DHX35: variants seen among roughly 807,000 people sequenced by gnomAD.
DHX35 encodes the protein probable ATP-dependent RNA helicase DHX35.
Under a neutral mutation model 99.6 loss-of-function variants are expected in DHX35, and 84 were observed. That is an observed-to-expected ratio of 0.84 (90% CI 0.71 to 1.01). The LOEUF (loss-of-function observed/expected upper bound fraction) is 1.01. Among genes scored for constraint, DHX35 ranks in the 50% least tolerant of loss-of-function variants. DHX35 has a pLI of 0.00. For synonymous variants in DHX35, 331 were observed against 316.2 expected (o/e 1.05, Z -0.50); for missense variants, 852 against 888.5 (o/e 0.96, Z 0.52).
chr20:38,980,397 C>T (rs2086153000), intron 3 of DHX35, among the ~76,000 whole-genome samples: 3 of 151,994 alleles, frequency 2.0e-5, no homozygotes, highest in Admixed American at 6.6e-5. Flanking sequence ...ATGTTACCTT[C>T]CTTATAGAAT....
Position 39,006,224 on chromosome 20 carries a change from A to G in DHX35, c.1090A>G (p.Lys364Glu), listed in dbSNP as rs2086614292. 6.2e-7 allele frequency: 1 copy of G among 1,614,060 alleles called. No individual in the cohort carries two copies. The highest frequency in any genetic ancestry group is 1.3e-5 in the African/African-American group (1 of 74,922). Residue 364 changes from lysine (K) to glutamate (E), a missense_variant, in exon 12 of 22, where the codon AAA (lysine) becomes GAA (glutamate). Coordinates refer to ENST00000252011, the MANE Select transcript of DHX35 (RefSeq NM_021931.4). ...GTATGTGATCGACTGTGGCTTTGTGAAACTCCGAGCCTACAATCCCAGGAC... is the reference window on the plus strand; with the variant it reads ...GTATGTGATCGACTGTGGCTTTGTGGAACTCCGAGCCTACAATCCCAGGAC... ...IVYVIDCGFV[K>E]LRAYNPRTAI...
chr20:38,981,943 C>CAAAAAAAAAAAAAAAAAAAAAAAAAA (rs1161300647), intron 3 of DHX35, among the ~76,000 whole-genome samples: 1 of 87,282 alleles, frequency 1.1e-5, no homozygotes, highest in African/African-American at 4.2e-5. Context: ...GACTCTGTCT[C>CAAAAAAAAAAAAAAAAAAAAAAAAAA]AAAAAAAAAA....
intron 12 of DHX35, among the ~76,000 whole-genome samples, chr20:39,008,670 T>G (rs1418167279): frequency 6.6e-6 from 1 of 152,224 alleles, no homozygotes; most frequent in African/African-American, 2.4e-5. Flanking sequence ...CCCTCCACAT[T>G]TTCTCAAACC....
At chr20:38,981,943 C>CAAAA (rs1161300647) in intron 3 of DHX35, among the ~76,000 whole-genome samples, 9 of 87,242 alleles carry the variant, frequency 1.0e-4, no homozygotes, top group African/African-American at 2.1e-4. Context: ...GACTCTGTCT[C>CAAAA]AAAAAAAAAA....
chr20:38,980,150 A>G (rs1168731494), intron 3 of DHX35, among the ~76,000 whole-genome samples: 3 of 151,998 alleles, frequency 2.0e-5, no homozygotes, highest in Admixed American at 6.5e-5. Flanking sequence ...CACACAGGGT[A>G]TTGAGGTGAC....
At chr20:38,997,526 A>G (rs974458540) in intron 8 of DHX35, among the ~76,000 whole-genome samples, 3 of 152,218 alleles carry the variant, frequency 2.0e-5, no homozygotes, top group African/African-American at 7.2e-5. Context: ...GGAAGACAGC[A>G]TGTAGGAACT....
intron 11 of DHX35, among the ~76,000 whole-genome samples, chr20:39,005,155 T>G (rs1328909201): frequency 6.6e-6 from 1 of 152,210 alleles, no homozygotes; most frequent in Non-Finnish European, 1.5e-5. Flanking sequence ...ATAATTTTTA[T>G]AAAATGATTT....
chr20:39,035,438 C>T (rs1296782842), intron 21 of DHX35, among the ~76,000 whole-genome samples: 1 of 152,180 alleles, frequency 6.6e-6, no homozygotes, highest in Non-Finnish European at 1.5e-5. Flanking sequence ...ACATATTTTG[C>T]CCAAGTTTAC....
At chr20:39,020,364 A>G (rs2086853772) in intron 15 of DHX35, among the ~76,000 whole-genome samples, 1 of 152,258 alleles carries the variant, frequency 6.6e-6, no homozygotes, top group Non-Finnish European at 1.5e-5. Context: ...CATTTCTGCC[A>G]GCAGTACACG....
chr20:38,989,608 A>G lies in DHX35; in HGVS notation c.450+691A>G, dbSNP rs147262892. ...CTTATGTGTATTTTATTGTATTTTCACTGACTCAAATAGCAATCGAAATAT... is the reference window on the plus strand; with the variant it reads ...CTTATGTGTATTTTATTGTATTTTCGCTGACTCAAATAGCAATCGAAATAT... On this transcript the variant is annotated intron_variant, in intron 5 of 21. Coordinates refer to ENST00000252011, the MANE Select transcript of DHX35 (RefSeq NM_021931.4). Among the ~76,000 whole-genome samples the G allele has an allele frequency of 3.7e-3, 565 of 152,214 alleles. 2 individuals are homozygous for G. The highest frequency in any genetic ancestry group is 0.013 in the African/African-American group (544 of 41,508).
chr20:39,005,327 A>G (rs568066646), intron 11 of DHX35, among the ~76,000 whole-genome samples: 7 of 151,990 alleles, frequency 4.6e-5, no homozygotes, highest in Non-Finnish European at 1.0e-4. Context: ...TCCCTCTGCA[A>G]CCTCATCTTG....
At chr20:38,963,523 A>T (rs2085866710) in intron 1 of DHX35, among the ~76,000 whole-genome samples, 1 of 152,380 alleles carries the variant, frequency 6.6e-6, no homozygotes, top group Admixed American at 6.5e-5. Context: ...CCAATTATCC[A>T]TCCTGAGTTT....
intron 20 of DHX35, among the ~76,000 whole-genome samples, chr20:39,033,242 AT>A (rs879850709): frequency 5.3e-5 from 8 of 149,834 alleles, no homozygotes; most frequent in South Asian, 4.2e-4. Context: ...CCTTTAAAAA[AT>A]TTTTTTTTTT....
At chr20:38,964,605 A>G (rs968320247) in intron 1 of DHX35, among the ~76,000 whole-genome samples, 1 of 151,858 alleles carries the variant, frequency 6.6e-6, no homozygotes, top group African/African-American at 2.4e-5. Context: ...TAATTTTTGT[A>G]TTTTTAGTAG....
chr20:39,023,553 A>G (rs541761447), intron 16 of DHX35, 137 bp from the exon 17 acceptor site: 35 of 679,924 alleles, frequency 5.1e-5, no homozygotes, highest in East Asian at 2.0e-4. Context: ...GGGTTTACCT[A>G]TGTTGCCCAG....
At chr20:38,962,573 C>T (rs946108745) in intron 1 of DHX35, 166 bp downstream of exon 1, 1 of 808,756 alleles carries the variant, frequency 1.2e-6, no homozygotes, top group Non-Finnish European at 1.9e-6. Flanking sequence ...CCCCAGTGGT[C>T]CCGAGGGATT....
chr20:38,966,634 A>C (rs2085915604), intron 1 of DHX35, among the ~76,000 whole-genome samples: 1 of 152,228 alleles, frequency 6.6e-6, no homozygotes, highest in African/African-American at 2.4e-5. Flanking sequence ...TCGCCACTGC[A>C]CTCCAGCCTG....
chr20:39,038,635 T>TCA lies in DHX35; in HGVS notation c.*93_*94insAC. The TCA allele has an allele frequency of 3.7e-6, 5 of 1,342,014 alleles. No individual in the cohort carries two copies. Among genetic ancestry groups the TCA allele is most frequent in the Non-Finnish European group, 5.2e-6 (5 of 967,136 alleles). 83.1% of individuals were successfully genotyped at this position (1,342,014 alleles called of 1,614,324 possible). A position where few individuals can be genotyped will look rare whatever the true frequency, so the allele number is the denominator to read the frequency against. On this transcript the variant is annotated 3_prime_UTR_variant, in exon 22 of 22. Transcript: ENST00000252011. ...CCAGGTGGGGTGAGCTGGCACCAGC[T>TCA]CCTGTGGAATGTTTGGTTGCTCTGA... is the stretch of plus-strand genomic sequence containing the variant.
At chr20:38,966,165 T>G (rs148674205) in intron 1 of DHX35, among the ~76,000 whole-genome samples, 1 of 152,354 alleles carries the variant, frequency 6.6e-6, no homozygotes, top group Non-Finnish European at 1.5e-5. Flanking sequence ...TCAGCCTTGT[T>G]AAGATAGGGA....
Sources: gnomAD v4.1 joint callset for allele counts (sites outside exome capture counted in the v4.1 genomes callset) on GRCh38, gnomAD v4.1.1 for gene constraint, MANE v1.5 for transcripts, NCBI Gene and HGNC (gene_info 2026-07-23, HGNC 2026-07-21) for gene names.